The following LIFR variants were observed in gnomAD, a reference collection of about 807,000 sequenced individuals.
The protein encoded by LIFR is leukemia inhibitory factor receptor.
In LIFR, 84 loss-of-function variants were observed where a neutral mutation model predicts 122.2. The ratio of observed to expected loss-of-function variants is 0.69; its 90% CI spans 0.58 to 0.82. The LOEUF (loss-of-function observed/expected upper bound fraction) is 0.82. LIFR is among the 40% of genes least tolerant of loss of function. The pLI, the probability that LIFR is intolerant of heterozygous loss-of-function variation, is 0.00. For missense variants in LIFR, 1,294 were observed against 1,311.6 expected (o/e 0.99, Z 0.21); for synonymous variants, 422 against 434.7 (o/e 0.97, Z 0.36).
At chr5:38,557,163 G>T (rs1423541623), upstream of LIFR, 1 of 152,366 alleles carries the variant, frequency 6.6e-6, no homozygotes, top group Non-Finnish European at 1.5e-5. Context: ...AGGCGCCGCC[G>T]CTCGCGTCCT....
At chr5:38,573,805 T>G (rs1021068731) in intron 1 of LIFR, among the ~76,000 whole-genome samples, 2 of 152,158 alleles carry the variant, frequency 1.3e-5, no homozygotes, top group Non-Finnish European at 2.9e-5. Flanking sequence ...TCTTTTTGCC[T>G]TCAGTTTAAA....
At chr5:38,606,802 C>T (rs1299614518) in intron 1 of LIFR, among the ~76,000 whole-genome samples, 1 of 151,242 alleles carries the variant, frequency 6.6e-6, no homozygotes, top group African/African-American at 2.5e-5. Flanking sequence ...CTTTTTTTTC[C>T]CCCATGGGGA....
chr5:38,524,263 C>T (rs1019995361), intron 4 of LIFR, among the ~76,000 whole-genome samples: 1 of 152,172 alleles, frequency 6.6e-6, no homozygotes, highest in African/African-American at 2.4e-5. Context: ...TACCATTAAA[C>T]AGTAGCAGGA....
At chr5:38,590,360 G>C (rs772304828) in intron 1 of LIFR, among the ~76,000 whole-genome samples, 27 of 152,116 alleles carry the variant, frequency 1.8e-4, no homozygotes, top group Admixed American at 1.0e-3. Flanking sequence ...AGGGAGGTGG[G>C]AAAATACTTG....
chr5:38,482,900 G>A (rs188869080), intron 18 of LIFR, among the ~76,000 whole-genome samples: 107 of 152,262 alleles, frequency 7.0e-4, no homozygotes, highest in African/African-American at 2.5e-3. Flanking sequence ...TAATACCCAT[G>A]TATCTCATGA....
chr5:38,584,278 A>G (rs1749678881), intron 1 of LIFR, among the ~76,000 whole-genome samples: 1 of 152,172 alleles, frequency 6.6e-6, no homozygotes, highest in Non-Finnish European at 1.5e-5. Context: ...CCATGAGGGA[A>G]AACAGTATGG....
chr5:38,502,721 T>C lies in LIFR; in HGVS notation c.1516A>G (p.Thr506Ala). 6.2e-7 allele frequency: 1 copy of C among 1,611,410 alleles called. No homozygotes were observed. The highest frequency in any genetic ancestry group is 8.5e-7 in the Non-Finnish European group (1 of 1,177,618). ...LDKLNPYTLY[T>A]FRIRCSTETF... Reference sequence around the variant, plus strand: ...TCAGTAGAACAACGAATCCGAAAAGTATATAGAGTGTATGGATTTAACTTG... The same window carrying C: ...TCAGTAGAACAACGAATCCGAAAAGCATATAGAGTGTATGGATTTAACTTG... Residue 506 changes from threonine to alanine, a missense_variant, in exon 11 of 20, where the codon ACT becomes GCT. Coordinates refer to ENST00000453190, the MANE Select transcript of LIFR (RefSeq NM_001127671.2).
chr5:38,481,439 A>G lies in LIFR; in HGVS notation c.*156T>C. 1 of 845,868 alleles carries G rather than the reference A, an allele frequency of 1.2e-6. No individual in the cohort carries two copies. The highest frequency in any genetic ancestry group is 1.9e-6 in the Non-Finnish European group (1 of 513,894). 52.4% of individuals were successfully genotyped at this position (845,868 alleles called of 1,614,324 possible). A position where few individuals can be genotyped will look rare whatever the true frequency, so the allele number is the denominator to read the frequency against. On this transcript the variant is annotated 3_prime_UTR_variant, in exon 20 of 20. Transcript: ENST00000453190. ...TACTTTGGCTTTTAGACTACATTAA[A>G]AGCACATGAACACTTTCAGTGTAAC...
intron 13 of LIFR, among the ~76,000 whole-genome samples, chr5:38,494,733 C>T (rs775383411): frequency 4.6e-5 from 7 of 152,066 alleles, no homozygotes; most frequent in Non-Finnish European, 8.8e-5. Context: ...AATTTTTAGA[C>T]GAGTAATTGT....
intron 1 of LIFR, among the ~76,000 whole-genome samples, chr5:38,535,249 T>C (rs978297533): frequency 6.6e-6 from 1 of 152,152 alleles, no homozygotes; most frequent in Non-Finnish European, 1.5e-5. Context: ...GCACCCTTTT[T>C]CCCTTCTTGC....
chr5:38,520,378 A>G (rs889291257), intron 5 of LIFR, among the ~76,000 whole-genome samples: 1 of 152,084 alleles, frequency 6.6e-6, no homozygotes, highest in East Asian at 1.9e-4. Flanking sequence ...CCTTTGTTGG[A>G]TGAATAGTTT....
chr5:38,574,048 A>G (rs936363209), intron 1 of LIFR, among the ~76,000 whole-genome samples: 13 of 152,064 alleles, frequency 8.5e-5, no homozygotes, highest in African/African-American at 2.7e-4. Context: ...CCTGGGAGGC[A>G]GAGGTTGCAG....
At chr5:38,577,921 A>T (rs1350825873) in intron 1 of LIFR, among the ~76,000 whole-genome samples, 2 of 152,198 alleles carry the variant, frequency 1.3e-5, no homozygotes, top group Non-Finnish European at 1.5e-5. Flanking sequence ...GATAAAACTG[A>T]TTTCATACAT....
intron 1 of LIFR, among the ~76,000 whole-genome samples, chr5:38,562,604 A>C (rs1433134817): frequency 6.6e-6 from 1 of 152,220 alleles, no homozygotes; most frequent in Non-Finnish European, 1.5e-5. Flanking sequence ...ATGCTACTGC[A>C]CTCAGTGCGT....
At chr5:38,523,095 T>G (rs2112543333) in intron 5 of LIFR, among the ~76,000 whole-genome samples, 1 of 152,310 alleles carries the variant, frequency 6.6e-6, no homozygotes, top group Non-Finnish European at 1.5e-5. Flanking sequence ...TACACTAAAT[T>G]AAATGTGCAC....
intron 2 of LIFR, among the ~76,000 whole-genome samples, chr5:38,602,765 C>T (rs1167031194): frequency 1.3e-5 from 2 of 152,128 alleles, no homozygotes; most frequent in Admixed American, 1.3e-4. Flanking sequence ...TCTTCTTCCC[C>T]CACCCACTAG....
intron 1 of LIFR, among the ~76,000 whole-genome samples, chr5:38,588,524 C>T (rs904088870): frequency 2.0e-5 from 3 of 152,180 alleles, no homozygotes; most frequent in Non-Finnish European, 4.4e-5. Flanking sequence ...AACTAAACCT[C>T]ATTTTTCTTC....
intron 1 of LIFR, among the ~76,000 whole-genome samples, chr5:38,568,249 A>G (rs1326647254): frequency 1.3e-5 from 2 of 152,298 alleles, no homozygotes; most frequent in Admixed American, 1.3e-4. Context: ...GTTTAAACGG[A>G]TAGAGAATGA....
chr5:38,536,746 T>G (rs1373968997), intron 1 of LIFR, among the ~76,000 whole-genome samples: 4 of 152,226 alleles, frequency 2.6e-5, no homozygotes, highest in Admixed American at 2.6e-4. Context: ...CACTGTGAAC[T>G]ATGACAGTCT....
Sources: gnomAD v4.1 joint callset for allele counts (sites outside exome capture counted in the v4.1 genomes callset) on GRCh38, gnomAD v4.1.1 for gene constraint, MANE v1.5 for transcripts, NCBI Gene and HGNC (gene_info 2026-07-23, HGNC 2026-07-21) for gene names.